DEPTOR: variants seen among roughly 807,000 people sequenced by gnomAD.
The protein encoded by DEPTOR is DEP domain-containing mTOR-interacting protein.
In DEPTOR, 41 loss-of-function variants were observed where a neutral mutation model predicts 41.6. The observed-to-expected ratio is 0.98, with a 90% CI of 0.77 to 1.28. DEPTOR has a LOEUF of 1.28. DEPTOR is among the 50% of genes most tolerant of loss of function. DEPTOR has a pLI of 0.00. For missense variants in DEPTOR, 514 were observed against 527.9 expected, an observed-to-expected ratio of 0.97 and a Z score of 0.26; for synonymous variants, 195 against 192.3, an observed-to-expected ratio of 1.01 and a Z score of -0.12.
At chr8:120,006,690 T>C in intron 6 of DEPTOR, 115 bp from the exon 7 acceptor site, 4 of 831,960 alleles carry the variant, frequency 4.8e-6, no homozygotes, top group Non-Finnish European at 7.9e-6. Context: ...GAGGCAGGGA[T>C]CTTTGCCACT....
chr8:119,956,022 C>T (rs1437618562), intron 3 of DEPTOR, among the ~76,000 whole-genome samples: 3 of 152,104 alleles, frequency 2.0e-5, no homozygotes, highest in African/African-American at 7.2e-5. Context: ...AGCCAACGAT[C>T]CACTTCTGGC....
intron 1 of DEPTOR, among the ~76,000 whole-genome samples, chr8:119,900,376 T>C (rs370047652): frequency 2.4e-4 from 18 of 75,460 alleles, no homozygotes; most frequent in South Asian, 1.1e-3. Context: ...TACACACCCC[T>C]CACCTTTTTT....
chr8:119,921,748 G>GTTT (rs1282897659), intron 1 of DEPTOR, among the ~76,000 whole-genome samples: 1,398 of 130,780 alleles, frequency 0.011, 100 homozygotes, highest in South Asian at 0.02. Flanking sequence ...CTATTCTGTA[G>GTTT]TTTTTTTTTT....
At chr8:120,038,213 G>A (rs1252912370) in intron 8 of DEPTOR, among the ~76,000 whole-genome samples, 1 of 149,762 alleles carries the variant, frequency 6.7e-6, no homozygotes, top group East Asian at 1.9e-4. Flanking sequence ...AGGTTGCAGT[G>A]AGCTGAGATT....
chr8:120,000,699 G>C (rs943614176), intron 4 of DEPTOR, among the ~76,000 whole-genome samples: 19 of 151,794 alleles, frequency 1.3e-4, no homozygotes, highest in Admixed American at 1.2e-3. Flanking sequence ...CTGACCTCAA[G>C]TGATCCATCC....
intron 4 of DEPTOR, among the ~76,000 whole-genome samples, chr8:119,980,120 C>A (rs1828743599): frequency 6.8e-6 from 1 of 146,772 alleles, no homozygotes; most frequent in Non-Finnish European, 1.5e-5. Context: ...GCCACCAAGA[C>A]AATCTACATA....
chr8:119,910,462 TA>T (rs1827722374), intron 1 of DEPTOR, among the ~76,000 whole-genome samples: 1 of 152,184 alleles, frequency 6.6e-6, no homozygotes, highest in South Asian at 2.1e-4. Context: ...TTTTATTTTT[TA>T]TTTTTTTGAG....
intron 8 of DEPTOR, among the ~76,000 whole-genome samples, chr8:120,035,044 A>C (rs1040597069): frequency 5.9e-5 from 9 of 152,082 alleles, no homozygotes; most frequent in African/African-American, 2.2e-4. Flanking sequence ...TTGGCCAGGC[A>C]CAGTGGCTCA....
At chr8:119,910,765 T>C (rs941723098) in intron 1 of DEPTOR, among the ~76,000 whole-genome samples, 1 of 152,192 alleles carries the variant, frequency 6.6e-6, no homozygotes, top group African/African-American at 2.4e-5. Context: ...TAACTCACAT[T>C]CTGTTAGACA....
intron 8 of DEPTOR, among the ~76,000 whole-genome samples, chr8:120,020,851 G>A (rs1812693068): frequency 6.6e-6 from 1 of 151,990 alleles, no homozygotes; most frequent in African/African-American, 2.4e-5. Context: ...TAGAGGTCAA[G>A]AGTTTGAGAC....
chr8:120,030,697 A>T (rs1161609540), intron 8 of DEPTOR, among the ~76,000 whole-genome samples: 1 of 151,172 alleles, frequency 6.6e-6, no homozygotes, highest in Admixed American at 6.6e-5. Flanking sequence ...TAGAGATGGG[A>T]TTTCACCATG....
At chr8:120,015,809 G>A (rs577225747) in intron 8 of DEPTOR, among the ~76,000 whole-genome samples, 29 of 152,240 alleles carry the variant, frequency 1.9e-4, no homozygotes, top group African/African-American at 7.0e-4. Context: ...CAGGGCTCAG[G>A]GGATTGGTTT....
intron 1 of DEPTOR, among the ~76,000 whole-genome samples, chr8:119,924,461 G>A (rs1827938448): frequency 6.6e-6 from 1 of 151,936 alleles, no homozygotes; most frequent in South Asian, 2.1e-4. Context: ...GGATTTCATT[G>A]ACTTAGCAAC....
In DEPTOR at chr8:119,923,741, C is replaced by G. The variant is rs1311421681; in HGVS notation, c.123-4659C>G. ...ATCCTTATTTTCTTGACTTTATGTTCTTTTTAAATTGTTTTAAAATTTTTT... is the reference window on the plus strand; with the variant it reads ...ATCCTTATTTTCTTGACTTTATGTTGTTTTTAAATTGTTTTAAAATTTTTT... On this transcript the variant is annotated intron_variant, in intron 1 of 8. Transcript: ENST00000286234. Among the ~76,000 whole-genome samples, 3 of 151,978 alleles carry G rather than the reference C, an allele frequency of 2.0e-5. No individual in the cohort carries two copies. In the East Asian group the frequency reaches 5.8e-4, roughly 29 times the overall value.
intron 4 of DEPTOR, among the ~76,000 whole-genome samples, chr8:119,976,810 C>A (rs946036557): frequency 1.3e-5 from 2 of 152,076 alleles, no homozygotes; most frequent in African/African-American, 4.8e-5. Context: ...CTTTGACTGA[C>A]AGATTCACCA....
chr8:119,875,378 G>C (rs1303476579), intron 1 of DEPTOR, among the ~76,000 whole-genome samples: 2 of 152,112 alleles, frequency 1.3e-5, no homozygotes, highest in African/African-American at 2.4e-5. Flanking sequence ...AGAAGGCGGG[G>C]GTGACTTCAT....
chr8:119,967,425 T>G lies in DEPTOR; in HGVS notation c.604+2015T>G, dbSNP rs140074646. Among the ~76,000 whole-genome samples the G allele has an allele frequency of 8.7e-3, 1,317 of 152,104 alleles. 24 individuals are homozygous for G. The highest frequency in any genetic ancestry group is 0.03 in the African/African-American group (1,262 of 41,486). ...CTACAGTTAACCAACGTAGGTCAGA[T>G]AATTTCTTTATGGCCTGTTTTTACA... is the stretch of plus-strand genomic sequence containing the variant. On this transcript the variant is annotated intron_variant, in intron 4 of 8. Transcript: ENST00000286234.
chr8:120,009,428 C>T (rs544952326), intron 8 of DEPTOR, among the ~76,000 whole-genome samples: 31 of 151,960 alleles, frequency 2.0e-4, no homozygotes, highest in Admixed American at 6.6e-4. Context: ...GCCTGGCCAC[C>T]GTGGCGAAAC....
chr8:120,028,041 C>T (rs1043309469), intron 8 of DEPTOR, among the ~76,000 whole-genome samples: 1 of 152,150 alleles, frequency 6.6e-6, no homozygotes, highest in African/African-American at 2.4e-5. Flanking sequence ...GTAATCCGGT[C>T]ATGTTGTTGG....
Sources: allele counts gnomAD v4.1 joint callset (sites outside exome capture counted in the v4.1 genomes callset), GRCh38; gene constraint gnomAD v4.1.1; transcripts MANE v1.5; gene names NCBI Gene and HGNC (gene_info 2026-07-23, HGNC 2026-07-21).